Variants in OSBPL8 observed in about 807,000 individuals in gnomAD.
The protein encoded by OSBPL8 is oxysterol-binding protein-related protein 8.
In OSBPL8, 59 loss-of-function variants were observed where a neutral mutation model predicts 125.5. That is an observed-to-expected ratio of 0.47 (90% CI 0.38 to 0.58). The LOEUF (loss-of-function observed/expected upper bound fraction) is 0.58, where lower values mean the gene tolerates loss of function less well. Among genes scored for constraint, OSBPL8 ranks in the 20% least tolerant of loss-of-function variants. The pLI is 0.00. For synonymous variants in OSBPL8, 330 were observed against 338.9 expected, an observed-to-expected ratio of 0.97 and a Z score of 0.29; for missense variants, 758 against 1,047.8, an observed-to-expected ratio of 0.72 and a Z score of 3.82.
At chr12:76,421,798 C>T (rs989380446) in intron 4 of OSBPL8, among the ~76,000 whole-genome samples, 4 of 151,868 alleles carry the variant, frequency 2.6e-5, no homozygotes, top group African/African-American at 7.2e-5. Flanking sequence ...ATATTTGCTA[C>T]AATTTCAAAC....
At chr12:76,416,606 TTC>T (rs1474195568) in intron 4 of OSBPL8, among the ~76,000 whole-genome samples, 4 of 152,108 alleles carry the variant, frequency 2.6e-5, no homozygotes, top group Non-Finnish European at 5.9e-5. Context: ...TCAAAATTTA[TTC>T]TGTCTGGTAT....
Position 76,392,896 on chromosome 12 carries a change from T to C in OSBPL8, c.758-144A>G, listed in dbSNP as rs1013714789. 1.1e-5 allele frequency: 9 copies of C among 830,704 alleles called. No homozygotes were observed. In the African/African-American group the frequency reaches 1.5e-4, roughly 14 times the overall value. The allele number at this position is 830,704 out of a possible 1,614,324, so 51.5% of individuals were successfully genotyped here. A position where few individuals can be genotyped will look rare whatever the true frequency, so the allele number is the denominator to read the frequency against. ...AACATAACATCTTGCTAGAATTTAA[T>C]GAAATCTTTCCGTTTTTCAAATGCT... On this transcript the variant is annotated intron_variant, in intron 9 of 23. Coordinates refer to ENST00000261183, the MANE Select transcript of OSBPL8 (RefSeq NM_020841.5).
intron 1 of OSBPL8, among the ~76,000 whole-genome samples, chr12:76,531,619 T>TG (rs1950340848): frequency 2.6e-5 from 4 of 151,912 alleles, no homozygotes; most frequent in Non-Finnish European, 5.9e-5. Flanking sequence ...CATGTGTGGG[T>TG]TGGGGGAGAG....
chr12:76,483,660 CT>C (rs869202382), intron 2 of OSBPL8, among the ~76,000 whole-genome samples: 231 of 57,408 alleles, frequency 4.0e-3, no homozygotes, highest in African/African-American at 0.014. Context: ...CTGTAATAGT[CT>C]TTTTTTTTTT....
rs578031088 is a variant in OSBPL8 at position 76,368,122 on chromosome 12, A to G, written c.2328+1092T>C. On this transcript the variant is annotated intron_variant, in intron 21 of 23. Coordinates refer to ENST00000261183, the MANE Select transcript of OSBPL8 (RefSeq NM_020841.5). ...AGGTCTAGTGGTAATGAACTCCCTC[A>G]GCTTTTATCTGGGAATGTCTTAATT... Among the ~76,000 whole-genome samples, 3 of 152,304 alleles carry G rather than the reference A, an allele frequency of 2.0e-5. No homozygotes were observed. In the East Asian group the frequency reaches 5.8e-4, roughly 29 times the overall value.
chr12:76,371,021 C>A (rs1282952130), intron 19 of OSBPL8, among the ~76,000 whole-genome samples: 1 of 152,084 alleles, frequency 6.6e-6, no homozygotes, highest in African/African-American at 2.4e-5. Context: ...CCTATAGAAG[C>A]CAGTCCATCC....
chr12:76,385,706 A>C (rs934800319), intron 14 of OSBPL8, among the ~76,000 whole-genome samples: 1 of 152,090 alleles, frequency 6.6e-6, no homozygotes, highest in Non-Finnish European at 1.5e-5. Context: ...AAAATGAGGA[A>C]AGAAAGTGCT....
intron 14 of OSBPL8, among the ~76,000 whole-genome samples, chr12:76,384,658 C>G (rs1953223762): frequency 6.6e-6 from 1 of 152,120 alleles, no homozygotes; most frequent in African/African-American, 2.4e-5. Context: ...ATGCTGGGGG[C>G]TGTCTCTCTG....
At chr12:76,504,602 C>A (rs1364581087) in intron 1 of OSBPL8, among the ~76,000 whole-genome samples, 1 of 152,220 alleles carries the variant, frequency 6.6e-6, no homozygotes, top group Non-Finnish European at 1.5e-5. Flanking sequence ...CTAACCAACT[C>A]CATCTTGCCT....
At chr12:76,557,612 A>C (rs1370151776) in intron 1 of OSBPL8, among the ~76,000 whole-genome samples, 8 of 7,944 alleles carry the variant, frequency 1.0e-3, no homozygotes, top group Admixed American at 3.0e-3. Context: ...AGACAGTCTT[A>C]AAAAAAAAAA....
intron 4 of OSBPL8, among the ~76,000 whole-genome samples, chr12:76,434,322 C>T (rs1871199227): frequency 6.6e-6 from 1 of 152,052 alleles, no homozygotes; most frequent in South Asian, 2.1e-4. Flanking sequence ...AGAAATTTGT[C>T]CCTTATCTCA....
At chr12:76,455,267 C>T (rs893978351) in intron 3 of OSBPL8, among the ~76,000 whole-genome samples, 1 of 151,578 alleles carries the variant, frequency 6.6e-6, no homozygotes, top group Non-Finnish European at 1.5e-5. Context: ...AGCAGAAAGA[C>T]CTAAGGTACA....
chr12:76,385,479 C>G (rs1953270722), intron 14 of OSBPL8, among the ~76,000 whole-genome samples: 1 of 151,970 alleles, frequency 6.6e-6, no homozygotes, highest in Non-Finnish European at 1.5e-5. Context: ...AAGAAGCTAA[C>G]AATTCAATTA....
intron 4 of OSBPL8, among the ~76,000 whole-genome samples, chr12:76,425,735 G>T (rs1157181881): frequency 6.6e-6 from 1 of 152,118 alleles, no homozygotes; most frequent in African/African-American, 2.4e-5. Flanking sequence ...CCAAAACAAT[G>T]AAGCATTCTA....
At chr12:76,463,795 T>C (rs1875039033) in intron 2 of OSBPL8, among the ~76,000 whole-genome samples, 1 of 152,164 alleles carries the variant, frequency 6.6e-6, no homozygotes, top group Non-Finnish European at 1.5e-5. Flanking sequence ...GTGATGCCAA[T>C]GGGAAACAGG....
chr12:76,371,608 T>TA (rs1425970528), intron 18 of OSBPL8, 24 bp from the exon 19 acceptor site: 1 of 1,522,596 alleles, frequency 6.6e-7, no homozygotes, highest in East Asian at 2.5e-5. Flanking sequence ...AATTCAAAAT[T>TA]AATGTAAAGA....
intron 4 of OSBPL8, among the ~76,000 whole-genome samples, chr12:76,436,499 TTAA>T (rs1380552262): frequency 2.0e-5 from 3 of 151,894 alleles, no homozygotes; most frequent in Non-Finnish European, 4.4e-5. Flanking sequence ...CATTTTCGTC[TTAA>T]TAAGACACAT....
intron 1 of OSBPL8, among the ~76,000 whole-genome samples, chr12:76,498,752 C>T (rs1010170452): frequency 5.2e-5 from 5 of 96,520 alleles, no homozygotes; most frequent in African/African-American, 2.2e-4. Flanking sequence ...TTTTTTGAGA[C>T]AGGGTCACCC....
At chr12:76,512,435 A>G (rs1346942903) in intron 1 of OSBPL8, among the ~76,000 whole-genome samples, 2 of 152,198 alleles carry the variant, frequency 1.3e-5, no homozygotes, top group Non-Finnish European at 2.9e-5. Flanking sequence ...AATTTATTGA[A>G]TATAAAGTCT....
Sources: allele counts gnomAD v4.1 joint callset (sites outside exome capture counted in the v4.1 genomes callset), GRCh38; gene constraint gnomAD v4.1.1; transcripts MANE v1.5; gene names NCBI Gene and HGNC (gene_info 2026-07-23, HGNC 2026-07-21).